The following MTMR11 variants were observed in gnomAD, a reference collection of about 807,000 sequenced individuals.
MTMR11 encodes myotubularin related protein 11.
Under a neutral mutation model 100.0 loss-of-function variants are expected in MTMR11, and 89 were observed. That is an observed-to-expected ratio of 0.89 (90% confidence interval 0.75 to 1.06). MTMR11 has a LOEUF of 1.06. Among genes scored for constraint, MTMR11 ranks in the 50% least tolerant of loss-of-function variants. The pLI is 0.00. For synonymous variants in MTMR11, 336 were observed against 326.3 expected (o/e 1.03, Z -0.32); for missense variants, 809 against 873.7 (o/e 0.93, Z 0.93).
At position 149,936,751 on chromosome 1, in the gene MTMR11, G is replaced by A. The variant is rs1553769380; in HGVS notation, c.-104C>T. ...AGTCTTGTTGAGAAGAGGGGTGTTA[G>A]GGAGAGGGGTAGGGGGTTGGACACA... is the stretch of plus-strand genomic sequence containing the variant. On this transcript the variant is annotated 5_prime_UTR_variant, in exon 1 of 17. Transcript: ENST00000439741. The A allele has an allele frequency of 3.9e-6, 3 of 776,694 alleles. No homozygotes were observed. Among genetic ancestry groups the A allele is most frequent in the East Asian group, 2.7e-5 (1 of 37,080 alleles). The allele number at this position is 776,694 out of a possible 1,614,324, so 48.1% of individuals were successfully genotyped here.
At chr1:149,935,836 T>G in intron 2 of MTMR11, 131 bp from the exon 3 acceptor site, 5 of 1,151,392 alleles carry the variant, frequency 4.3e-6, no homozygotes, top group Non-Finnish European at 3.6e-6. Context: ...CACTACAATG[T>G]AAGCTTATGA....
rs2092726510 is a variant in MTMR11 at position 149,936,641 on chromosome 1, A to C, written c.7T>G (p.Trp3Gly). Residue 3 changes from tryptophan to glycine, a missense_variant, in exon 1 of 17, where the codon TGG (tryptophan) becomes GGG (glycine). Coordinates refer to ENST00000439741, the MANE Select transcript of MTMR11 (RefSeq NM_001145862.2). The stretch of plus-strand genomic sequence containing the variant: ...TTGAAACTCTGGCCCCGGCCCCCCC[A>C]CCACATTTCTCTGGCTCCATCCGGG... MW[W>G]GGRGQSFNIA... 7 of 1,537,976 alleles carry C rather than the reference A, an allele frequency of 4.6e-6. No homozygotes were observed. The highest frequency in any genetic ancestry group is 6.2e-6 in the Non-Finnish European group (7 of 1,135,896).
intron 2 of MTMR11, 143 bp from the exon 3 acceptor site, chr1:149,935,848 G>T: frequency 8.9e-7 from 1 of 1,123,298 alleles, no homozygotes. Flanking sequence ...AGCTTATGAG[G>T]AAAGATAAAT....
rs1427595122 is a variant in MTMR11 at position 149,934,394 on chromosome 1, C to A, written c.547+54G>T. The A allele has an allele frequency of 9.9e-6, 16 of 1,613,482 alleles. No individual in the cohort carries two copies. In the East Asian group the frequency reaches 3.6e-4, roughly 36 times the overall value. ...AGACAGCTTCTCAGCTCTTTGTCAT[C>A]AGCCATCCTCTGCTTTTTCAGACTC... On this transcript the variant is annotated intron_variant, in intron 6 of 16. Transcript: ENST00000439741.
At chr1:149,933,555 A>G in intron 9 of MTMR11, 25 bp from the exon 10 acceptor site, 2 of 1,614,026 alleles carry the variant, frequency 1.2e-6, no homozygotes, top group Middle Eastern at 1.6e-4. Context: ...GTCAGGAAAT[A>G]AGGAGTCTAC....
At chr1:149,932,563 T>G (rs1338135257) in intron 10 of MTMR11, among the ~76,000 whole-genome samples, 14 of 152,196 alleles carry the variant, frequency 9.2e-5, no homozygotes, top group African/African-American at 3.4e-4. Context: ...TATGTCTCAA[T>G]AAAGCTGTTT....
Position 149,930,910 on chromosome 1 carries a change from G to A in MTMR11, c.1346C>T (p.Pro449Leu). 6.2e-7 allele frequency: 1 copy of A among 1,613,096 alleles called. No homozygotes were observed. The highest frequency in any genetic ancestry group is 8.5e-7 in the Non-Finnish European group (1 of 1,179,644). The change falls in exon 14 of 17, where the codon CCA (proline) becomes CTA (leucine). Residue 449 changes from proline (P) to leucine (L), a missense_variant. Coordinates refer to ENST00000439741, the MANE Select transcript of MTMR11 (RefSeq NM_001145862.2). ...DCVWQLLQQF[P>L]ADFEFSEFFL... ...AAACTCAGAGAATTCAAAATCAGCT[G>A]GAAACTGCTGGAGGAGCTGCCAGAC...
chr1:149,932,758 A>G (rs2092676583), intron 10 of MTMR11, among the ~76,000 whole-genome samples: 1 of 151,888 alleles, frequency 6.6e-6, no homozygotes, highest in Non-Finnish European at 1.5e-5. Context: ...CTAGTCTAAC[A>G]CGGGGAACAT....
rs1350391309 is a variant in MTMR11 at position 149,928,963 on chromosome 1, C to G, written c.*166G>C. On this transcript the variant is annotated 3_prime_UTR_variant, in exon 17 of 17. Coordinates refer to ENST00000439741, the MANE Select transcript of MTMR11 (RefSeq NM_001145862.2). Reference sequence around the variant, plus strand: ...TCTTAATCCTTCAAATGACAAGAAGCAAAAATATTTGTAGAAACTAAGCAA... The same window carrying G: ...TCTTAATCCTTCAAATGACAAGAAGGAAAAATATTTGTAGAAACTAAGCAA... The G allele has an allele frequency of 1.2e-6, 2 of 1,612,864 alleles. No individual in the cohort carries two copies. The highest frequency in any genetic ancestry group is 1.1e-5 in the South Asian group (1 of 90,938).
chr1:149,933,280 AAAG>A, intron 10 of MTMR11, 123 bp downstream of exon 10: 1 of 1,345,102 alleles, frequency 7.4e-7, no homozygotes, highest in Non-Finnish European at 1.0e-6. Flanking sequence ...AGAAAAAAGA[AAAG>A]AAAAGAAAAC....
intron 4 of MTMR11, 43 bp downstream of exon 4, chr1:149,935,256 A>G (rs1553768786): frequency 6.2e-7 from 1 of 1,608,486 alleles, no homozygotes; most frequent in Non-Finnish European, 8.5e-7. Context: ...GGGAGTTCCA[A>G]CAACCCCAGT....
chr1:149,935,381 G>T (rs782330751), intron 3 of MTMR11, 22 bp from the exon 4 acceptor site: 1 of 1,612,850 alleles, frequency 6.2e-7, no homozygotes, highest in Non-Finnish European at 8.5e-7. Flanking sequence ...ACGTGACTGG[G>T]TAGACATCTG....
rs782554129 is a variant in MTMR11, at chr1:149,931,247, G to A, written c.1290+13C>T. 6.6e-5 allele frequency: 107 copies of A among 1,613,642 alleles called. No homozygotes were observed. Among genetic ancestry groups the A allele is most frequent in the African/African-American group, 8.0e-5 (6 of 74,810 alleles). On this transcript the variant is annotated intron_variant, in intron 13 of 16. Transcript: ENST00000439741. Reference sequence around the variant, plus strand: ...AGTAATATGCCCCCGATGCCATCCCGAATCATTCTCACCTCTTCACTGGCC... The same window carrying A: ...AGTAATATGCCCCCGATGCCATCCCAAATCATTCTCACCTCTTCACTGGCC...
chr1:149,930,505 GC>G lies in MTMR11; in HGVS notation c.1506del (p.Gln502HisfsTer68). 1 of 1,614,050 alleles carries G rather than the reference GC, an allele frequency of 6.2e-7. No individual in the cohort carries two copies. Among genetic ancestry groups the G allele is most frequent in the South Asian group, 1.1e-5 (1 of 91,086 alleles). Reference protein sequence around the residue: ...YTQVYTPGYSQPPAGNSFNLQ... With the variant: ...YTQVYTPGYSXPPAGNSFNLQ... Reference sequence around the variant, plus strand: ...AGGTTAAAAGAGTTCCCAGCTGGAGGCTGGGAGTATCCTGGGGTGTAGACTT... The same window carrying G: ...AGGTTAAAAGAGTTCCCAGCTGGAGGTGGGAGTATCCTGGGGTGTAGACTT... On this transcript the variant is annotated frameshift_variant, in exon 15 of 17. Transcript: ENST00000439741. LOFTEE classifies it high-confidence loss of function.
Position 149,935,717 on chromosome 1 carries a change from G to A in MTMR11, c.143-12C>T, listed in dbSNP as rs1553769032. 1.3e-6 allele frequency: 2 copies of A among 1,582,890 alleles called. No individual in the cohort carries two copies. The highest frequency in any genetic ancestry group is 1.8e-5 in the Admixed American group (1 of 54,742). Reference sequence around the variant, plus strand: ...TAGGATCTGCTCCCCTAAAGGGGAAGAAGGGAAGCCCTGTTATGACTGTTC... The same window carrying A: ...TAGGATCTGCTCCCCTAAAGGGGAAAAAGGGAAGCCCTGTTATGACTGTTC... On this transcript the variant is annotated splice_polypyrimidine_tract_variant and intron_variant, in intron 2 of 16. Coordinates refer to ENST00000439741, the MANE Select transcript of MTMR11 (RefSeq NM_001145862.2).
At chr1:149,936,074 GT>G in intron 2 of MTMR11, 79 bp downstream of exon 2, 2 of 1,428,824 alleles carry the variant, frequency 1.4e-6, no homozygotes, top group East Asian at 4.5e-5. Context: ...GAACACAGGG[GT>G]ATCTTTGGTG....
chr1:149,929,027 G>C lies in MTMR11; in HGVS notation c.*102C>G. The C allele has an allele frequency of 6.3e-7, 1 of 1,595,338 alleles. No individual in the cohort carries two copies. Among genetic ancestry groups the C allele is most frequent in the Non-Finnish European group, 8.6e-7 (1 of 1,169,504 alleles). ...GCAGTTAACACCACTATCTGCAGCA[G>C]AAACTCAGACCTTCTTAGTGAACTT... On this transcript the variant is annotated 3_prime_UTR_variant, in exon 17 of 17. Coordinates refer to ENST00000439741, the MANE Select transcript of MTMR11 (RefSeq NM_001145862.2).
chr1:149,935,238 G>A lies in MTMR11; in HGVS notation c.325+61C>T, dbSNP rs922438469. 1.4e-5 allele frequency: 22 copies of A among 1,606,482 alleles called. No homozygotes were observed. The African/African-American group carries it at 2.4e-4, about 18-fold the overall frequency. On this transcript the variant is annotated intron_variant, in intron 4 of 16. Transcript: ENST00000439741. ...TGCTGTTTTCTGAGAACAGAGGAAG[G>A]ATGAGGAGGGAGTTCCAACAACCCC...
rs782301473 is a variant in MTMR11, at chr1:149,935,123, C to T, written c.331G>A (p.Gly111Ser). Residue 111 changes from glycine to serine, a missense_variant, in exon 5 of 17, where the codon GGC becomes AGC. Gly to Ser is a moderately conservative substitution (Grantham distance 56, BLOSUM62 0). Transcript: ENST00000439741. ...CGGAGGAGCTGGACTCGGGACAAGCCGCTCACTGAAGTCAAGAGGTACAGA... is the reference window on the plus strand; with the variant it reads ...CGGAGGAGCTGGACTCGGGACAAGCTGCTCACTGAAGTCAAGAGGTACAGA... ...VNIGRLEAVSGLSRVQLLRPG... is the reference protein window; with the variant it reads ...VNIGRLEAVSSLSRVQLLRPG... 4.4e-5 allele frequency: 71 copies of T among 1,613,988 alleles called. No homozygotes were observed. In the Middle Eastern group the frequency reaches 6.6e-4, roughly 15 times the overall value.
Sources: allele counts gnomAD v4.1 joint callset (sites outside exome capture counted in the v4.1 genomes callset), GRCh38; gene constraint gnomAD v4.1.1; transcripts MANE v1.5; gene names NCBI Gene and HGNC (gene_info 2026-07-23, HGNC 2026-07-21).